TRERF1: variants seen among roughly 807,000 people sequenced by gnomAD.
The protein encoded by TRERF1 is transcriptional-regulating factor 1.
Under a neutral mutation model 122.9 loss-of-function variants are expected in TRERF1, and 27 were observed. That is an observed-to-expected ratio of 0.22 (90% confidence interval 0.16 to 0.30). The LOEUF (loss-of-function observed/expected upper bound fraction) is 0.30, where lower values mean the gene tolerates loss of function less well. Among genes scored for constraint, TRERF1 ranks in the 10% least tolerant of loss-of-function variants. TRERF1 has a pLI of 1.00. For synonymous variants in TRERF1, 636 were observed against 641.7 expected (o/e 0.99, Z 0.13); for missense variants, 1,248 against 1,560.3 (o/e 0.80, Z 3.37).
chr6:42,374,825 T>G (rs1774520896), intron 2 of TRERF1, among the ~76,000 whole-genome samples: 3 of 151,748 alleles, frequency 2.0e-5, no homozygotes, highest in Non-Finnish European at 2.9e-5. Context: ...CTGGGCAACA[T>G]GGTAAAACCC....
chr6:42,436,817 ATATATATAT>A (rs1785516518), intron 2 of TRERF1, among the ~76,000 whole-genome samples: 2 of 75,902 alleles, frequency 2.6e-5, no homozygotes, highest in African/African-American at 4.7e-5. Flanking sequence ...AAAAAAAAAT[ATATATATAT>A]ATATATATAT....
intron 3 of TRERF1, among the ~76,000 whole-genome samples, chr6:42,303,917 A>AG (rs1331346991): frequency 7.5e-4 from 113 of 151,044 alleles, no homozygotes; most frequent in African/African-American, 2.6e-3. Flanking sequence ...AAAAAAAAAA[A>AG]AAAAAAAAAA....
At chr6:42,264,590 G>C in intron 7 of TRERF1, 114 bp downstream of exon 7, 1 of 1,480,894 alleles carries the variant, frequency 6.8e-7, no homozygotes. Context: ...TGTCAAGGGA[G>C]GACTGTGCCT....
intron 3 of TRERF1, among the ~76,000 whole-genome samples, chr6:42,300,973 C>T (rs1445103190): frequency 1.3e-5 from 2 of 152,150 alleles, no homozygotes; most frequent in East Asian, 3.9e-4. Flanking sequence ...TGGAGATGAA[C>T]TGGATGCAGT....
chr6:42,438,071 G>C (rs543179455), intron 2 of TRERF1, among the ~76,000 whole-genome samples: 2 of 151,684 alleles, frequency 1.3e-5, no homozygotes, highest in African/African-American at 2.4e-5. Context: ...ACAGGTGCCC[G>C]CCACCATACC....
chr6:42,325,125 T>G (rs1382217294), intron 3 of TRERF1, among the ~76,000 whole-genome samples: 1 of 152,066 alleles, frequency 6.6e-6, no homozygotes, highest in African/African-American at 2.4e-5. Flanking sequence ...AAGGAAGACA[T>G]ACAAGTGGCC....
intron 3 of TRERF1, among the ~76,000 whole-genome samples, chr6:42,356,158 G>C (rs529693001): frequency 6.6e-6 from 1 of 152,300 alleles, no homozygotes; most frequent in South Asian, 2.1e-4. Flanking sequence ...AGGAACACTT[G>C]TCGCTCTAAG....
chr6:42,320,718 C>A (rs1022536995), intron 3 of TRERF1, among the ~76,000 whole-genome samples: 1 of 152,094 alleles, frequency 6.6e-6, no homozygotes, highest in Non-Finnish European at 1.5e-5. Context: ...GCCATGTTGG[C>A]GAGGCTGTCT....
chr6:42,311,195 T>C (rs1338115468), intron 3 of TRERF1, among the ~76,000 whole-genome samples: 1 of 152,142 alleles, frequency 6.6e-6, no homozygotes. Flanking sequence ...ATGTGTGCAA[T>C]GTCATGGCAG....
At position 42,232,325 on chromosome 6, in the gene TRERF1, CTCAAA is replaced by C. The variant is rs576668456; in HGVS notation, c.3278+351_3278+355del. Among the ~76,000 whole-genome samples, 15 of 152,196 alleles carry C rather than the reference CTCAAA, an allele frequency of 9.9e-5. No individual in the cohort carries two copies. Among genetic ancestry groups the C allele is most frequent in the Non-Finnish European group, 2.2e-4 (15 of 68,038 alleles). Reference sequence around the variant, plus strand: ...CCTGATTAGATGTTGTAGAGCCATTCTCAAATCATTCAGCGGGGATCCAAACAGAG... The same window carrying C: ...CCTGATTAGATGTTGTAGAGCCATTCTCATTCAGCGGGGATCCAAACAGAG... On this transcript the variant is annotated intron_variant, in intron 17 of 17. Transcript: ENST00000372922. The surrounding 1 kb of genome is among the most constrained non-coding windows in gnomAD (Gnocchi z 4.5).
intron 3 of TRERF1, among the ~76,000 whole-genome samples, chr6:42,315,069 C>T (rs943038744): frequency 2.0e-5 from 3 of 152,060 alleles, no homozygotes; most frequent in East Asian, 1.9e-4. Context: ...CAGGGATGAG[C>T]GTGCATGTGG....
chr6:42,430,666 T>G (rs1477120109), intron 2 of TRERF1, among the ~76,000 whole-genome samples: 1 of 151,802 alleles, frequency 6.6e-6, no homozygotes, highest in East Asian at 1.9e-4. Context: ...GAGGCCAAGG[T>G]GGGTGGATCA....
Position 42,276,810 on chromosome 6 carries a change from G to A in TRERF1, c.-258-6962C>T, listed in dbSNP as rs1463689017. On this transcript the variant is annotated intron_variant, in intron 4 of 17. Coordinates refer to ENST00000372922, the Ensembl canonical transcript of TRERF1. The surrounding 1 kb of genome is among the most constrained non-coding windows in gnomAD (Gnocchi z 4.3). The stretch of plus-strand genomic sequence containing the variant: ...GGGAGGATTTTCAAGGCTCCCTTTG[G>A]GCAGCAAGAAACATTCATTTCTCTA... 6.6e-6 allele frequency among the ~76,000 whole-genome samples: 1 copy of A among 152,042 alleles called. No individual in the cohort carries two copies. The highest frequency in any genetic ancestry group is 1.5e-5 in the Non-Finnish European group (1 of 68,016).
intron 3 of TRERF1, among the ~76,000 whole-genome samples, chr6:42,352,338 T>A (rs926923532): frequency 1.3e-5 from 2 of 152,226 alleles, no homozygotes; most frequent in Non-Finnish European, 2.9e-5. Flanking sequence ...AGTGTTACCT[T>A]AATATGCACA....
intron 2 of TRERF1, among the ~76,000 whole-genome samples, chr6:42,428,516 G>A (rs1783988174): frequency 6.6e-6 from 1 of 152,216 alleles, no homozygotes; most frequent in Non-Finnish European, 1.5e-5. Flanking sequence ...CTCCAGAGCT[G>A]AGGCTCTCTT....
chr6:42,410,431 G>A (rs1050450043), intron 2 of TRERF1, among the ~76,000 whole-genome samples: 1 of 152,120 alleles, frequency 6.6e-6, no homozygotes, highest in Non-Finnish European at 1.5e-5. Context: ...TTACAGGCGT[G>A]AGCCACTGTA....
At chr6:42,254,069 C>T (rs1434721979) in intron 13 of TRERF1, among the ~76,000 whole-genome samples, 4 of 152,176 alleles carry the variant, frequency 2.6e-5, no homozygotes, top group South Asian at 2.1e-4. Flanking sequence ...TTAGGCTCTC[C>T]GACCTATTTC....
chr6:42,434,899 G>A (rs1017305212), intron 2 of TRERF1, among the ~76,000 whole-genome samples: 10 of 151,818 alleles, frequency 6.6e-5, no homozygotes, highest in Admixed American at 2.6e-4. Flanking sequence ...AGGCCAAGGC[G>A]GGCGGATCAC....
chr6:42,334,658 T>TGGCTCTG (rs1362481480), intron 3 of TRERF1, among the ~76,000 whole-genome samples: 4 of 152,184 alleles, frequency 2.6e-5, no homozygotes. Flanking sequence ...GAACATGGCA[T>TGGCTCTG]GGCTCTGCTT....
Sources: gnomAD v4.1 joint callset for allele counts (sites outside exome capture counted in the v4.1 genomes callset) on GRCh38, gnomAD v4.1.1 for gene constraint, Gnocchi (gnomAD v3.1) non-coding constraint, MANE v1.5 for transcripts, NCBI Gene and HGNC (gene_info 2026-07-23, HGNC 2026-07-21) for gene names.